NLRP1: variants seen among roughly 807,000 people sequenced by gnomAD.
NLRP1 encodes the protein NLR family pyrin domain containing 1, also known as NACHT, LRR and PYD domains-containing protein 1.
Under a neutral mutation model 136.7 loss-of-function variants are expected in NLRP1, and 94 were observed. The observed-to-expected ratio is 0.69, with a 90% CI of 0.58 to 0.82. The LOEUF (loss-of-function observed/expected upper bound fraction) is 0.82, where lower values mean the gene tolerates loss of function less well. Among genes scored for constraint, NLRP1 ranks in the 40% least tolerant of loss-of-function variants. The pLI is 0.00. For synonymous variants in NLRP1, 690 were observed against 725.1 expected (o/e 0.95, Z 0.78); for missense variants, 1,575 against 1,802.7 (o/e 0.87, Z 2.29).
At chr17:5,551,746 T>C (rs1460833638) in intron 5 of NLRP1, among the ~76,000 whole-genome samples, 2 of 152,182 alleles carry the variant, frequency 1.3e-5, no homozygotes, top group East Asian at 3.8e-4. Context: ...TGGTATCTTT[T>C]CTTTTTTTCA....
rs763690092 is a variant in NLRP1 at position 5,530,524 on chromosome 17, T to G, written c.3477A>C (p.Gly1159=). The G allele has an allele frequency of 1.9e-6, 3 of 1,614,164 alleles. No homozygotes were observed. Among genetic ancestry groups the G allele is most frequent in the Non-Finnish European group, 2.5e-6 (3 of 1,180,040 alleles). ...GPLLDIKAEP[G]AVEAVHLPHF... is the part of the protein sequence containing the mutation. The stretch of plus-strand genomic sequence containing the variant: ...GAGGGAGGTGCACAGCTTCCACAGC[T>G]CCAGGCTCAGCCTTGATGTCCAGCA... The change falls in exon 12 of 17, where the codon GGA becomes GGC. Residue 1159 remains glycine, a synonymous_variant. Coordinates refer to ENST00000572272, the MANE Select transcript of NLRP1 (RefSeq NM_033004.4).
At chr17:5,515,833 A>G (rs1908033583) in intron 15 of NLRP1, among the ~76,000 whole-genome samples, 1 of 152,198 alleles carries the variant, frequency 6.6e-6, no homozygotes, top group Non-Finnish European at 1.5e-5. Context: ...CCTGAATTGT[A>G]TCCCTGGTGA....
intron 5 of NLRP1, among the ~76,000 whole-genome samples, chr17:5,542,588 C>T (rs1912006500): frequency 6.6e-6 from 1 of 152,154 alleles, no homozygotes; most frequent in Non-Finnish European, 1.5e-5. Context: ...AGACTCCCTG[C>T]TCCTTTCTGC....
intron 3 of NLRP1, among the ~76,000 whole-genome samples, chr17:5,580,697 T>C (rs532056312): frequency 6.6e-6 from 1 of 152,358 alleles, no homozygotes; most frequent in East Asian, 1.9e-4. Context: ...GGCTCTGATA[T>C]GTCTTTATAT....
At chr17:5,530,735 CT>C (rs1178582549) in intron 11 of NLRP1, 31 bp from the exon 12 acceptor site, 2 of 1,559,352 alleles carry the variant, frequency 1.3e-6, no homozygotes, top group Non-Finnish European at 1.8e-6. Flanking sequence ...CAGACACTTA[CT>C]GCACGAACTC....
At chr17:5,503,738 T>C (rs951561338) in intron 15 of NLRP1, 1 of 152,140 alleles carries the variant, frequency 6.6e-6, no homozygotes, top group African/African-American at 2.4e-5. Context: ...ACAGGACAGA[T>C]ACTGGAAGAT....
At chr17:5,508,270 C>T (rs1361481632) in intron 15 of NLRP1, among the ~76,000 whole-genome samples, 1 of 152,148 alleles carries the variant, frequency 6.6e-6, no homozygotes, top group East Asian at 1.9e-4. Context: ...TGCACTCCAG[C>T]CTGGGTGACC....
At chr17:5,545,707 G>A (rs576322044) in intron 5 of NLRP1, among the ~76,000 whole-genome samples, 4 of 152,154 alleles carry the variant, frequency 2.6e-5, no homozygotes, top group African/African-American at 7.2e-5. Flanking sequence ...AAGTCCAGAC[G>A]CAGCTGGCAG....
At chr17:5,523,493 C>A (rs1041255930) in intron 12 of NLRP1, among the ~76,000 whole-genome samples, 1 of 152,122 alleles carries the variant, frequency 6.6e-6, no homozygotes, top group African/African-American at 2.4e-5. Context: ...TGTTGCATAA[C>A]CTTTTGCTAA....
intron 3 of NLRP1, among the ~76,000 whole-genome samples, chr17:5,561,366 CT>C (rs1343033335): frequency 6.6e-6 from 1 of 150,562 alleles, no homozygotes. Flanking sequence ...ACTATCTTGT[CT>C]TTTACTCAAA....
In NLRP1 at chr17:5,517,863, G is replaced by A; in HGVS notation, c.3940C>T (p.Pro1314Ser). 6.2e-7 allele frequency: 1 copy of A among 1,614,038 alleles called. No homozygotes were observed. Among genetic ancestry groups the A allele is most frequent in the Non-Finnish European group, 8.5e-7 (1 of 1,179,984 alleles). ...TCCGAGAACAGCTGGTCTTCTCCAG[G>A]GCTTCGATAGCAGAGCTCCAGTTCC... Reference protein sequence around the residue: ...PKELELCYRSPGEDQLFSEFY... With the variant: ...PKELELCYRSSGEDQLFSEFY... Residue 1314 changes from proline to serine, a missense_variant, in exon 15 of 17, where the codon CCT (proline) becomes TCT (serine). Transcript: ENST00000572272.
At chr17:5,557,779 G>C (rs1321373925) in intron 4 of NLRP1, among the ~76,000 whole-genome samples, 1 of 152,188 alleles carries the variant, frequency 6.6e-6, no homozygotes, top group Non-Finnish European at 1.5e-5. Flanking sequence ...GTGGGTTTCA[G>C]GTTGAGTGCG....
chr17:5,540,643 C>T (rs1307249631), intron 6 of NLRP1, among the ~76,000 whole-genome samples: 4 of 152,150 alleles, frequency 2.6e-5, no homozygotes. Flanking sequence ...CTCCGAGATC[C>T]AATCTTGTCT....
intron 5 of NLRP1, among the ~76,000 whole-genome samples, chr17:5,546,736 A>T (rs1343569163): frequency 6.6e-6 from 1 of 152,240 alleles, no homozygotes; most frequent in African/African-American, 2.4e-5. Flanking sequence ...AATGGTGGTT[A>T]TCAGGGGCGA....
At chr17:5,535,037 T>C (rs945969727) in intron 8 of NLRP1, among the ~76,000 whole-genome samples, 9 of 152,068 alleles carry the variant, frequency 5.9e-5, no homozygotes, top group Non-Finnish European at 1.0e-4. Context: ...CTGGCCAACA[T>C]GGTAAAACCC....
intron 3 of NLRP1, among the ~76,000 whole-genome samples, chr17:5,564,739 T>TTC (rs1567665795): frequency 1.4e-5 from 2 of 144,582 alleles, no homozygotes; most frequent in Non-Finnish European, 3.0e-5. Context: ...TTAGTGTTTT[T>TTC]TTTTTTTTTT....
intron 3 of NLRP1, among the ~76,000 whole-genome samples, chr17:5,576,556 C>T (rs1448447301): frequency 2.0e-5 from 3 of 152,220 alleles, no homozygotes; most frequent in Non-Finnish European, 2.9e-5. Context: ...GACACATACA[C>T]CCTTCCAAGA....
intron 12 of NLRP1, among the ~76,000 whole-genome samples, chr17:5,522,764 C>A (rs758593409): frequency 6.6e-6 from 1 of 152,122 alleles, no homozygotes; most frequent in Non-Finnish European, 1.5e-5. Flanking sequence ...GATATAGAAC[C>A]TCTAGTTGCC....
chr17:5,514,150 A>AT lies in NLRP1; in HGVS notation c.*603dup, dbSNP rs1597389622. On this transcript the variant is annotated 3_prime_UTR_variant, in exon 17 of 17. Transcript: ENST00000572272. The stretch of plus-strand genomic sequence containing the variant: ...GGTAACTTCTTATTCCTTTATTTTC[A>AT]TTTTTTCTTTTTTGTATTTTTTTAA... The AT allele has an allele frequency of 6.5e-6, 1 of 152,734 alleles. No homozygotes were observed. The highest frequency in any genetic ancestry group is 1.5e-5 in the Non-Finnish European group (1 of 68,716). The allele number at this position is 152,734 out of a possible 1,614,324, so 9.5% of individuals were successfully genotyped here. A position where few individuals can be genotyped will look rare whatever the true frequency, so the allele number is the denominator to read the frequency against.
Sources: gnomAD v4.1 joint callset for allele counts (sites outside exome capture counted in the v4.1 genomes callset) on GRCh38, gnomAD v4.1.1 for gene constraint, MANE v1.5 for transcripts, NCBI Gene and HGNC (gene_info 2026-07-23, HGNC 2026-07-21) for gene names.